The following NTRK3 variants were observed in gnomAD, a reference collection of about 807,000 sequenced individuals.
NTRK3 encodes the protein neurotrophic receptor tyrosine kinase 3.
In NTRK3, 24 loss-of-function variants were observed where a neutral mutation model predicts 91.7. That is an observed-to-expected ratio of 0.26 (90% CI 0.19 to 0.37). NTRK3 has a LOEUF of 0.37. Ranked by LOEUF, NTRK3 falls within the 10% of genes least tolerant of loss-of-function variation. The probability of loss-of-function intolerance (pLI) is 1.00; values close to 1 mark genes in which losing one functional copy is unlikely to be tolerated. For synonymous variants in NTRK3, 483 were observed against 404.0 expected (o/e 1.20, Z -2.34); for missense variants, 880 against 1,068.9 (o/e 0.82, Z 2.46).
intron 14 of NTRK3, among the ~76,000 whole-genome samples, chr15:88,030,373 G>T (rs141649180): frequency 6.6e-6 from 1 of 152,220 alleles, no homozygotes; most frequent in East Asian, 1.9e-4. Context: ...TGTTCACCAG[G>T]CCCCATAGCT....
exon 19 of NTRK3, chr15:87,861,125 C>A (rs1032718346): frequency 4.0e-5 from 9 of 225,698 alleles, no homozygotes; most frequent in African/African-American, 2.0e-4. Context: ...AGCCAGCTAA[C>A]CCTTCAGATT....
intron 14 of NTRK3, chr15:87,979,225 C>T: frequency 2.5e-6 from 2 of 813,158 alleles, no homozygotes; most frequent in South Asian, 2.7e-5. Flanking sequence ...GCACTGGTGG[C>T]TCATGCAGTT....
At chr15:87,936,494 T>C (rs1567127407) in intron 15 of NTRK3, among the ~76,000 whole-genome samples, 1 of 151,672 alleles carries the variant, frequency 6.6e-6, no homozygotes, top group Non-Finnish European at 1.5e-5. Context: ...CCTGGGTCAT[T>C]CAGCATCTTC....
intron 13 of NTRK3, among the ~76,000 whole-genome samples, chr15:88,093,930 A>G (rs993511082): frequency 2.0e-5 from 3 of 152,110 alleles, no homozygotes; most frequent in African/African-American, 4.8e-5. Flanking sequence ...GCCTTCCCCA[A>G]TCCTATGGGA....
At chr15:88,077,119 G>C (rs905956774) in intron 13 of NTRK3, among the ~76,000 whole-genome samples, 1 of 152,026 alleles carries the variant, frequency 6.6e-6, no homozygotes, top group African/African-American at 2.4e-5. Flanking sequence ...AAACATTTTT[G>C]AGGATGAAAC....
chr15:87,903,207 A>T (rs1238619210), intron 17 of NTRK3, among the ~76,000 whole-genome samples: 3 of 152,254 alleles, frequency 2.0e-5, no homozygotes, highest in African/African-American at 7.2e-5. Context: ...CAGAACCCAC[A>T]TCATCGCCAG....
intron 5 of NTRK3, among the ~76,000 whole-genome samples, chr15:88,176,171 T>G (rs1384769104): frequency 7.2e-6 from 1 of 138,024 alleles, no homozygotes; most frequent in Non-Finnish European, 1.5e-5. Flanking sequence ...AGAGTCTCAC[T>G]CTGTCACCAG....
intron 14 of NTRK3, among the ~76,000 whole-genome samples, chr15:88,011,524 G>T (rs1258592810): frequency 1.3e-5 from 2 of 152,152 alleles, no homozygotes; most frequent in Non-Finnish European, 2.9e-5. Flanking sequence ...TCAGTAATCT[G>T]ATATTTTCTG....
intron 14 of NTRK3, among the ~76,000 whole-genome samples, chr15:87,950,757 T>C (rs2071033170): frequency 6.6e-6 from 1 of 152,152 alleles, no homozygotes; most frequent in Non-Finnish European, 1.5e-5. Context: ...CCCATAAAAG[T>C]TCGGGAAGGA....
At chr15:88,204,198 C>T (rs2048539013) in intron 3 of NTRK3, among the ~76,000 whole-genome samples, 1 of 147,796 alleles carries the variant, frequency 6.8e-6, no homozygotes, top group African/African-American at 2.4e-5. Flanking sequence ...GATACAAACT[C>T]TCTCCTCCAT....
At chr15:88,068,594 G>A (rs2142645514) in intron 13 of NTRK3, among the ~76,000 whole-genome samples, 1 of 152,300 alleles carries the variant, frequency 6.6e-6, no homozygotes, top group African/African-American at 2.4e-5. Flanking sequence ...GGATAGACAA[G>A]GCAAGCAGCT....
At chr15:88,035,212 A>G (rs1192455346) in intron 13 of NTRK3, among the ~76,000 whole-genome samples, 1 of 152,230 alleles carries the variant, frequency 6.6e-6, no homozygotes, top group Non-Finnish European at 1.5e-5. Context: ...TCTGCTGGAA[A>G]GGATCACTAT....
chr15:87,974,044 C>T (rs182039540), intron 14 of NTRK3, among the ~76,000 whole-genome samples: 22 of 152,252 alleles, frequency 1.4e-4, no homozygotes, highest in African/African-American at 4.3e-4. Flanking sequence ...TGAGCTTTCC[C>T]GCGGCATCCA....
rs1003515848 is a variant in NTRK3 at position 88,240,580 on chromosome 15, G to C, written c.248+15326C>G. 6.6e-6 allele frequency among the ~76,000 whole-genome samples: 1 copy of C among 152,190 alleles called. No individual in the cohort carries two copies. Among genetic ancestry groups the C allele is most frequent in the African/African-American group, 2.4e-5 (1 of 41,442 alleles). On this transcript the variant is annotated intron_variant, in intron 3 of 18. Transcript: ENST00000394480. The surrounding 1 kb of genome is among the most constrained non-coding windows in gnomAD (Gnocchi z 4.9). Reference sequence around the variant, plus strand: ...GCTGGCAGGAAATGGAAAGGGGTCTGTAATACAGGGCTGCCCCCCTGGCTC... The same window carrying C: ...GCTGGCAGGAAATGGAAAGGGGTCTCTAATACAGGGCTGCCCCCCTGGCTC...
intron 14 of NTRK3, among the ~76,000 whole-genome samples, chr15:87,996,205 C>T (rs1450914860): frequency 6.6e-6 from 1 of 152,130 alleles, no homozygotes; most frequent in African/African-American, 2.4e-5. Context: ...GATCGCACCA[C>T]TGCACTCCAG....
At chr15:87,864,438 C>G (rs1281341152) in exon 19 of NTRK3, 2 of 230,316 alleles carry the variant, frequency 8.7e-6, no homozygotes, top group Non-Finnish European at 1.7e-5. Context: ...GTTAACATAT[C>G]AGGTCAAACT....
intron 14 of NTRK3, among the ~76,000 whole-genome samples, chr15:87,973,368 G>A (rs1339743392): frequency 6.6e-6 from 1 of 152,144 alleles, no homozygotes; most frequent in Non-Finnish European, 1.5e-5. Context: ...AATCCTGATG[G>A]AATTTCAGAA....
chr15:88,147,672 CA>C (rs1363089445), intron 5 of NTRK3, among the ~76,000 whole-genome samples: 3 of 152,080 alleles, frequency 2.0e-5, no homozygotes, highest in Non-Finnish European at 4.4e-5. Context: ...ATGAAATTCT[CA>C]TGGTCATTCT....
intron 3 of NTRK3, among the ~76,000 whole-genome samples, chr15:88,205,112 G>A (rs988922974): frequency 6.6e-6 from 1 of 152,162 alleles, no homozygotes; most frequent in East Asian, 1.9e-4. Context: ...TGACAGTGAC[G>A]TTCATAAAAA....
Sources: allele counts gnomAD v4.1 joint callset (sites outside exome capture counted in the v4.1 genomes callset), GRCh38; gene constraint gnomAD v4.1.1; non-coding constraint Gnocchi (gnomAD v3.1); transcripts MANE v1.5; gene names NCBI Gene and HGNC (gene_info 2026-07-23, HGNC 2026-07-21).